The following SAMD4A variants were observed in gnomAD, a reference collection of about 807,000 sequenced individuals.
The protein encoded by SAMD4A is protein Smaug homolog 1.
SAMD4A carries 33 observed loss-of-function variants against 81.3 expected under a neutral mutation model. The observed-to-expected ratio is 0.41, with a 90% CI of 0.31 to 0.54. The LOEUF (loss-of-function observed/expected upper bound fraction) is 0.54. Among genes scored for constraint, SAMD4A ranks in the 20% least tolerant of loss-of-function variants. The probability of loss-of-function intolerance (pLI) is 0.37; values close to 1 mark genes in which losing one functional copy is unlikely to be tolerated. For synonymous variants in SAMD4A, 389 were observed against 382.1 expected (o/e 1.02, Z -0.21); for missense variants, 854 against 951.1 (o/e 0.90, Z 1.34).
At chr14:54,707,032 A>T (rs766504319) in intron 3 of SAMD4A, among the ~76,000 whole-genome samples, 15 of 152,110 alleles carry the variant, frequency 9.9e-5, no homozygotes, top group Non-Finnish European at 1.9e-4. Flanking sequence ...TATGGAGCAG[A>T]AGGAATGGAT....
rs75610792 is a variant in SAMD4A, at chr14:54,740,478, G to A, written c.979+3191G>A. ...GCTCTCATCGTGCACCTTGGGAAAA[G>A]AATGAAAAGTTACTATAGTTGAACT... On this transcript the variant is annotated intron_variant, in intron 4 of 12. Transcript: ENST00000554335. Among the ~76,000 whole-genome samples the A allele has an allele frequency of 6.3e-3, 956 of 152,322 alleles. 13 individuals are homozygous for A. The highest frequency in any genetic ancestry group is 0.022 in the African/African-American group (898 of 41,570).
At chr14:54,625,874 G>A (rs1029278466) in intron 2 of SAMD4A, among the ~76,000 whole-genome samples, 3 of 151,918 alleles carry the variant, frequency 2.0e-5, no homozygotes, top group African/African-American at 2.4e-5. Context: ...AAATTGTCCC[G>A]CTCTAATTTG....
chr14:54,733,753 C>T (rs902243632), intron 3 of SAMD4A, among the ~76,000 whole-genome samples: 1 of 152,010 alleles, frequency 6.6e-6, no homozygotes, highest in African/African-American at 2.4e-5. Context: ...TGGCTAGAGA[C>T]ATGCTGGGGC....
chr14:54,746,609 C>T (rs1421565464), intron 4 of SAMD4A, among the ~76,000 whole-genome samples: 3 of 152,226 alleles, frequency 2.0e-5, no homozygotes, highest in Admixed American at 6.5e-5. Context: ...TAAAACACCA[C>T]GTTATCACCT....
At chr14:54,734,750 C>G (rs1169795212) in intron 3 of SAMD4A, among the ~76,000 whole-genome samples, 2 of 152,168 alleles carry the variant, frequency 1.3e-5, no homozygotes, top group Admixed American at 6.5e-5. Context: ...TAATGGAATT[C>G]AAGTACAGTG....
intron 6 of SAMD4A, among the ~76,000 whole-genome samples, chr14:54,755,691 A>C (rs983367997): frequency 1.3e-5 from 2 of 152,188 alleles, no homozygotes; most frequent in African/African-American, 4.8e-5. Flanking sequence ...GAAGCCTGTA[A>C]ACCAGTTGGT....
chr14:54,743,295 T>C (rs1460840804), intron 4 of SAMD4A, among the ~76,000 whole-genome samples: 1 of 152,250 alleles, frequency 6.6e-6, no homozygotes, highest in Non-Finnish European at 1.5e-5. Flanking sequence ...TGAATAAATG[T>C]GCTTTATTTT....
At chr14:54,771,083 G>C (rs1480454678) in intron 9 of SAMD4A, among the ~76,000 whole-genome samples, 2 of 152,014 alleles carry the variant, frequency 1.3e-5, no homozygotes, top group Non-Finnish European at 2.9e-5. Flanking sequence ...AAAATTTTGG[G>C]CATTTATTTG....
chr14:54,686,989 T>G (rs748858303), intron 2 of SAMD4A, among the ~76,000 whole-genome samples: 1 of 152,150 alleles, frequency 6.6e-6, no homozygotes, highest in Non-Finnish European at 1.5e-5. Flanking sequence ...CGGGGCTTGA[T>G]TTTGGCAGTG....
intron 2 of SAMD4A, chr14:54,687,405 TG>T (rs923510521): frequency 1.5e-5 from 7 of 456,286 alleles, no homozygotes; most frequent in Non-Finnish European, 2.6e-5. Flanking sequence ...TTGGCATTCT[TG>T]GTGTCCACAG....
chr14:54,773,882 G>A (rs2038769312), intron 9 of SAMD4A, among the ~76,000 whole-genome samples: 1 of 152,244 alleles, frequency 6.6e-6, no homozygotes, highest in Admixed American at 6.5e-5. Context: ...CACCGGACAT[G>A]CAGGATGGAT....
intron 9 of SAMD4A, among the ~76,000 whole-genome samples, chr14:54,770,625 C>T (rs1379946417): frequency 5.3e-5 from 8 of 152,312 alleles, no homozygotes; most frequent in Admixed American, 2.0e-4. Flanking sequence ...TTTCCCCCTT[C>T]GTGCTGTAGA....
intron 2 of SAMD4A, among the ~76,000 whole-genome samples, chr14:54,662,183 T>A (rs897495800): frequency 3.3e-5 from 5 of 152,128 alleles, no homozygotes; most frequent in Non-Finnish European, 5.9e-5. Flanking sequence ...GATGGAAAAC[T>A]CCAGCATAGT....
At chr14:54,659,562 C>A (rs1016125607) in intron 2 of SAMD4A, among the ~76,000 whole-genome samples, 1 of 152,152 alleles carries the variant, frequency 6.6e-6, no homozygotes, top group African/African-American at 2.4e-5. Context: ...TCAAATGACT[C>A]CTCATCCTGT....
chr14:54,724,360 A>C (rs111229097), intron 3 of SAMD4A, among the ~76,000 whole-genome samples: 140 of 152,318 alleles, frequency 9.2e-4, no homozygotes, highest in African/African-American at 3.1e-3. Flanking sequence ...CAAGTCAGCT[A>C]TCCTCTGCAC....
chr14:54,675,495 T>C (rs12432881), intron 2 of SAMD4A, among the ~76,000 whole-genome samples: 38,343 of 152,008 alleles, frequency 0.25, 5,479 homozygotes, highest in Admixed American at 0.35. Context: ...TCCTTAGCTA[T>C]GCTTTAGGTC....
At chr14:54,762,765 C>A (rs2038435580) in intron 7 of SAMD4A, among the ~76,000 whole-genome samples, 1 of 152,210 alleles carries the variant, frequency 6.6e-6, no homozygotes, top group Non-Finnish European at 1.5e-5. Context: ...CAACCCCAAA[C>A]CCTGCCATCC....
chr14:54,667,689 G>A (rs770715056), intron 2 of SAMD4A, among the ~76,000 whole-genome samples: 1 of 152,212 alleles, frequency 6.6e-6, no homozygotes, highest in Non-Finnish European at 1.5e-5. Flanking sequence ...TTGCTGTCAT[G>A]TGCAATTTGT....
chr14:54,587,589 A>G (rs2033658232), intron 2 of SAMD4A, among the ~76,000 whole-genome samples: 1 of 152,148 alleles, frequency 6.6e-6, no homozygotes, highest in South Asian at 2.1e-4. Flanking sequence ...GAGGGTTTTA[A>G]TCATAAAGGG....
Sources: gnomAD v4.1 joint callset for allele counts (sites outside exome capture counted in the v4.1 genomes callset) on GRCh38, gnomAD v4.1.1 for gene constraint, MANE v1.5 for transcripts, NCBI Gene and HGNC (gene_info 2026-07-23, HGNC 2026-07-21) for gene names.